Variants in ABCA1 observed in about 807,000 individuals in gnomAD.
ABCA1 encodes ATP binding cassette subfamily A member 1.
ABCA1 carries 133 observed loss-of-function variants against 262.5 expected under a neutral mutation model. The ratio of observed to expected loss-of-function variants is 0.51; its 90% CI spans 0.44 to 0.59. ABCA1 has a LOEUF of 0.59. ABCA1 is among the 20% of genes least tolerant of loss of function. The pLI is 0.00. For synonymous variants in ABCA1, 1,022 were observed against 1,043.5 expected (o/e 0.98, Z 0.40); for missense variants, 2,452 against 2,777.5 (o/e 0.88, Z 2.63).
Position 104,828,991 on chromosome 9 carries a change from G to T in ABCA1, c.2040C>A (p.Ile680=), listed in dbSNP as rs2853579. The T allele has an allele frequency of 0.16, 255,126 of 1,613,864 alleles. 30,451 individuals are homozygous for T. The highest frequency in any genetic ancestry group is 0.66 in the East Asian group (29,795 of 44,846). ...TMRIMGLDNS[I]LWFSWFISSL... ...TACTAATGAACCAGCTAAACCAGAG[G>T]ATGCTGTTGTCCAGGCCCATGATCC... Residue 680 remains isoleucine (I), a synonymous_variant, in exon 15 of 50, where the codon ATC becomes ATA. Transcript: ENST00000374736.
Position 104,861,683 on chromosome 9 carries a change from T to C in ABCA1, c.539A>G (p.His180Arg), listed in dbSNP as rs750794260. 2.0e-5 allele frequency: 33 copies of C among 1,614,048 alleles called. 1 individual carries two copies. In the South Asian group the frequency reaches 3.3e-4, roughly 16 times the overall value. Residue 180 changes from histidine (H) to arginine (R), a missense_variant, in exon 6 of 50, where the codon CAC becomes CGC. Around this residue, in one of 4 missense-constraint regions of ABCA1, gnomAD observed 1,032 missense variants for 1,089.7 expected, o/e 0.95. Transcript: ENST00000374736. ...DKMLRADVIL[H>R]KVFLQGYQLH... ...AAGCTGGAGGCATCAGCTTACCTTG[T>C]GGAGAATGACATCAGCCCTCAGCAT...
At chr9:104,920,916 T>G (rs117881899) in intron 1 of ABCA1, among the ~76,000 whole-genome samples, 1,717 of 152,294 alleles carry the variant, frequency 0.011, 20 homozygotes, top group Middle Eastern at 0.027. Flanking sequence ...AAATACCTAT[T>G]TTACAGATGA....
Position 104,806,425 on chromosome 9 carries a change from G to A in ABCA1, c.4280C>T (p.Thr1427Met), listed in dbSNP as rs199544035. ...CTCTTCCTCCCCTGCCTGGCAGGGC[G>A]TGTCTCTGCAAAGGGAAGACAGCAA... The part of the protein sequence containing the change: ...RCMEGNPIPD[T>M]PCQAGEEEWT... The change falls in exon 31 of 50, where the codon ACG (threonine) becomes ATG (methionine). Residue 1427 changes from threonine (T) to methionine (M), a missense_variant. By Grantham distance (81) the Thr-to-Met change is moderately conservative. Coordinates refer to ENST00000374736, the MANE Select transcript of ABCA1 (RefSeq NM_005502.4). 2.0e-5 allele frequency: 32 copies of A among 1,614,108 alleles called. No homozygotes were observed. Among genetic ancestry groups the A allele is most frequent in the African/African-American group, 1.3e-4 (10 of 75,040 alleles).
At chr9:104,827,892 G>T (rs911908060) in intron 15 of ABCA1, among the ~76,000 whole-genome samples, 1 of 152,214 alleles carries the variant, frequency 6.6e-6, no homozygotes, top group Non-Finnish European at 1.5e-5. Flanking sequence ...AGTGAGGATA[G>T]AAGAAGAAGC....
chr9:104,903,968 C>T (rs747879269), intron 1 of ABCA1, among the ~76,000 whole-genome samples, 197 bp from the exon 2 acceptor site: 1 of 152,164 alleles, frequency 6.6e-6, no homozygotes, highest in Non-Finnish European at 1.5e-5. Flanking sequence ...GGAGGTGTTC[C>T]GACAGCAGGC....
At chr9:104,914,339 A>G (rs1447725362) in intron 1 of ABCA1, among the ~76,000 whole-genome samples, 1 of 151,712 alleles carries the variant, frequency 6.6e-6, no homozygotes, top group Non-Finnish European at 1.5e-5. Context: ...GTAGCTGGGC[A>G]TGGTAGTGGG....
rs896268817 is a variant in ABCA1, at chr9:104,845,719, T to C, written c.721-150A>G. On this transcript the variant is annotated intron_variant, in intron 7 of 49. Coordinates refer to ENST00000374736, the MANE Select transcript of ABCA1 (RefSeq NM_005502.4). ...ACCAAAACTAAAGACACTACAATTATTTCTAACTGTAAGTTTGCATTTTGT... is the reference window on the plus strand; with the variant it reads ...ACCAAAACTAAAGACACTACAATTACTTCTAACTGTAAGTTTGCATTTTGT... The C allele has an allele frequency of 7.2e-5, 46 of 638,524 alleles. No individual in the cohort carries two copies. In the Admixed American group the frequency reaches 1.2e-3, roughly 16 times the overall value. 39.6% of individuals were successfully genotyped at this position (638,524 alleles called of 1,614,324 possible).
In ABCA1 at chr9:104,806,400, C is replaced by T; in HGVS notation, c.4305G>A (p.Glu1435=). 1 of 1,614,184 alleles carries T rather than the reference C, an allele frequency of 6.2e-7. No homozygotes were observed. Among genetic ancestry groups the T allele is most frequent in the Non-Finnish European group, 8.5e-7 (1 of 1,180,042 alleles). ...PDTPCQAGEE[E]WTTAPVPQTI... is the part of the protein sequence containing the mutation. ...TCTGGGGAACTGGGGCAGTGGTCCA[C>T]TCTTCCTCCCCTGCCTGGCAGGGCG... The change falls in exon 31 of 50, where the codon GAG becomes GAA. Residue 1435 remains glutamate (E), a synonymous_variant. Coordinates refer to ENST00000374736, the MANE Select transcript of ABCA1 (RefSeq NM_005502.4).
intron 5 of ABCA1, among the ~76,000 whole-genome samples, chr9:104,869,797 G>C (rs937577015): frequency 2.6e-5 from 4 of 152,102 alleles, no homozygotes; most frequent in Non-Finnish European, 5.9e-5. Context: ...GGGATACCAA[G>C]ACATACCTGA....
At chr9:104,927,784 C>T (rs1405629678) in intron 1 of ABCA1, 151 bp downstream of exon 1, 1 of 152,386 alleles carries the variant, frequency 6.6e-6, no homozygotes, top group Non-Finnish European at 1.5e-5. Flanking sequence ...ATCGTCTCCC[C>T]ATTTAACACC....
At chr9:104,874,878 GC>G in intron 5 of ABCA1, among the ~76,000 whole-genome samples, 1 of 140,360 alleles carries the variant, frequency 7.1e-6, no homozygotes. Context: ...GTGGGGGGCA[GC>G]CCCCGCCCGG....
Position 104,827,080 on chromosome 9 carries a change from C to T in ABCA1, c.2205G>A (p.Leu735=). 6.2e-7 allele frequency: 1 copy of T among 1,614,170 alleles called. No individual in the cohort carries two copies. Among genetic ancestry groups the T allele is most frequent in the Non-Finnish European group, 8.5e-7 (1 of 1,180,034 alleles). Reference sequence around the variant, plus strand: ...TGGCTCTGGAGAAGAGTGTGCTAATCAGGAAGCACTGCAGGATTGTCACCA... The same window carrying T: ...TGGCTCTGGAGAAGAGTGTGCTAATTAGGAAGCACTGCAGGATTGTCACCA... ...FAVVTILQCF[L]ISTLFSRANL... The change falls in exon 16 of 50, where the codon CTG becomes CTA. Residue 735 remains leucine, a synonymous_variant. Coordinates refer to ENST00000374736, the MANE Select transcript of ABCA1 (RefSeq NM_005502.4).
intron 36 of ABCA1, 145 bp from the exon 37 acceptor site, chr9:104,798,743 C>A (rs2118885475): frequency 1.3e-6 from 1 of 749,578 alleles, no homozygotes; most frequent in Non-Finnish European, 2.3e-6. Flanking sequence ...CATCTGTTCA[C>A]CAGACACATT....
chr9:104,899,083 A>T (rs1054530102), intron 2 of ABCA1, among the ~76,000 whole-genome samples: 18 of 152,230 alleles, frequency 1.2e-4, no homozygotes, highest in African/African-American at 4.3e-4. Flanking sequence ...ATAGATGCTT[A>T]ATAGATATTT....
chr9:104,788,084 G>A, intron 45 of ABCA1, 30 bp from the exon 46 acceptor site: 1 of 1,611,464 alleles, frequency 6.2e-7, no homozygotes, highest in Non-Finnish European at 8.5e-7. Flanking sequence ...CTTGACTTTG[G>A]TCTGGCTTGG....
At chr9:104,803,782 T>A (rs914243377) in intron 32 of ABCA1, among the ~76,000 whole-genome samples, 1 of 152,078 alleles carries the variant, frequency 6.6e-6, no homozygotes, top group Non-Finnish European at 1.5e-5. Flanking sequence ...TTATTTTGTA[T>A]TTTTAGTAGA....
intron 5 of ABCA1, among the ~76,000 whole-genome samples, chr9:104,881,726 GT>G (rs1162768826): frequency 1.3e-5 from 2 of 152,102 alleles, no homozygotes; most frequent in Non-Finnish European, 2.9e-5. Flanking sequence ...GGGCTCTCCA[GT>G]AAATAAGGAA....
At chr9:104,898,568 A>G (rs1840407154) in intron 2 of ABCA1, among the ~76,000 whole-genome samples, 1 of 148,440 alleles carries the variant, frequency 6.7e-6, no homozygotes, top group Non-Finnish European at 1.5e-5. Context: ...AAATAAATAA[A>G]TAAATAAATA....
chr9:104,791,982 C>A lies in ABCA1; in HGVS notation c.5774G>T (p.Arg1925Leu), dbSNP rs142688906. ...KELTKIYRRKRKPAVDRICVG... is the reference protein window; with the variant it reads ...KELTKIYRRKLKPAVDRICVG... ...GCAAATCCTGTCAACAGCAGGCTTC[C>A]GCTTCCTTCTATATATCTGCAACAA... Residue 1925 changes from arginine to leucine, a missense_variant, in exon 43 of 50, where the codon CGG (arginine) becomes CTG (leucine). Transcript: ENST00000374736. The A allele has an allele frequency of 1.2e-6, 2 of 1,613,380 alleles. No individual in the cohort carries two copies. The highest frequency in any genetic ancestry group is 1.1e-5 in the South Asian group (1 of 91,042).
Sources: gnomAD v4.1 joint callset for allele counts (sites outside exome capture counted in the v4.1 genomes callset) on GRCh38, gnomAD v4.1.1 for gene constraint, gnomAD v4.1.1 regional missense constraint, MANE v1.5 for transcripts, NCBI Gene and HGNC (gene_info 2026-07-23, HGNC 2026-07-21) for gene names.